CTNNA2: variants seen among roughly 807,000 people sequenced by gnomAD.
CTNNA2 encodes catenin alpha 2, also known as catenin alpha-2.
A neutral mutation model predicts 101.0 loss-of-function variants in CTNNA2; 42 were observed. The ratio of observed to expected loss-of-function variants is 0.42; its 90% CI spans 0.32 to 0.54. CTNNA2 has a LOEUF of 0.54. Ranked by LOEUF, CTNNA2 falls within the 20% of genes least tolerant of loss-of-function variation. The pLI is 0.14. For synonymous variants in CTNNA2, 450 were observed against 456.4 expected (o/e 0.99, Z 0.18); for missense variants, 871 against 1,223.1 (o/e 0.71, Z 4.29).
At chr2:80,309,858 C>T (rs1169580513) in intron 7 of CTNNA2, among the ~76,000 whole-genome samples, 2 of 142,090 alleles carry the variant, frequency 1.4e-5, no homozygotes, top group Non-Finnish European at 3.1e-5. Flanking sequence ...CCACACCCAG[C>T]TACCACATCT....
intron 6 of CTNNA2, among the ~76,000 whole-genome samples, chr2:79,883,933 TTGAG>T (rs1374094392): frequency 6.6e-6 from 1 of 152,142 alleles, no homozygotes; most frequent in Non-Finnish European, 1.5e-5. Context: ...CACAGGAAGT[TTGAG>T]TAAGTTTTTC....
chr2:80,069,730 ATAAC>A (rs1698208034), intron 7 of CTNNA2, among the ~76,000 whole-genome samples: 1 of 152,178 alleles, frequency 6.6e-6, no homozygotes, highest in Non-Finnish European at 1.5e-5. Flanking sequence ...GTATAAATTC[ATAAC>A]TAATAAGAAA....
At chr2:80,015,647 A>G (rs560257320) in intron 7 of CTNNA2, among the ~76,000 whole-genome samples, 1 of 152,222 alleles carries the variant, frequency 6.6e-6, no homozygotes, top group Admixed American at 6.5e-5. Context: ...GTGATTTTGG[A>G]TGTCTTTCTC....
intron 7 of CTNNA2, among the ~76,000 whole-genome samples, chr2:79,975,469 G>C (rs79814959): frequency 1.3e-5 from 2 of 152,036 alleles, no homozygotes; most frequent in Non-Finnish European, 2.9e-5. Flanking sequence ...TGTCCTCTAC[G>C]TCAATTCGGT....
intron 18 of CTNNA2, among the ~76,000 whole-genome samples, chr2:80,642,522 T>C (rs1292777310): frequency 6.6e-6 from 1 of 152,004 alleles, no homozygotes; most frequent in African/African-American, 2.4e-5. Context: ...GATGTGTAGA[T>C]GGAAAAATGT....
chr2:79,642,888 G>A (rs1275564105), intron 1 of CTNNA2, among the ~76,000 whole-genome samples: 3 of 151,480 alleles, frequency 2.0e-5, no homozygotes, highest in African/African-American at 7.3e-5. Flanking sequence ...ACATCCTAGA[G>A]GTACTTTAAA....
At chr2:80,328,562 T>C (rs2149258554) in intron 7 of CTNNA2, among the ~76,000 whole-genome samples, 1 of 152,312 alleles carries the variant, frequency 6.6e-6, no homozygotes, top group South Asian at 2.1e-4. Context: ...TGTAGACTCT[T>C]TCTCAAGTGG....
At chr2:80,310,505 A>G (rs1677465580) in intron 7 of CTNNA2, among the ~76,000 whole-genome samples, 1 of 152,204 alleles carries the variant, frequency 6.6e-6, no homozygotes, top group African/African-American at 2.4e-5. Context: ...CCCATGGGGC[A>G]GCCCAACATG....
rs541584057 is a variant in CTNNA2, at chr2:79,342,414, C to G, written c.-318+29618C>G. Among the ~76,000 whole-genome samples the G allele has an allele frequency of 2.6e-5, 4 of 152,280 alleles. No homozygotes were observed. In the East Asian group the frequency reaches 7.7e-4, roughly 29 times the overall value. ...TATTGATGTTTGCTATGGGTCTTGACTAGGGGAAAATGAATTACACATTCT... is the reference window on the plus strand; with the variant it reads ...TATTGATGTTTGCTATGGGTCTTGAGTAGGGGAAAATGAATTACACATTCT... On this transcript the variant is annotated intron_variant, in intron 3 of 21. Transcript: ENST00000466387.
At chr2:79,361,446 C>T (rs185992352) in intron 3 of CTNNA2, among the ~76,000 whole-genome samples, 1 of 152,230 alleles carries the variant, frequency 6.6e-6, no homozygotes, top group East Asian at 1.9e-4. Context: ...GTTCTTTGAT[C>T]TCTTTCGTCA....
intron 7 of CTNNA2, among the ~76,000 whole-genome samples, chr2:80,089,912 A>G (rs1467734225): frequency 6.6e-6 from 1 of 151,956 alleles, no homozygotes; most frequent in Non-Finnish European, 1.5e-5. Flanking sequence ...TCATTTCCCC[A>G]GCTCTCCCCA....
At chr2:79,194,703 A>G (rs911530899) in intron 1 of CTNNA2, among the ~76,000 whole-genome samples, 6 of 152,148 alleles carry the variant, frequency 3.9e-5, no homozygotes, top group Admixed American at 2.0e-4. Context: ...TGCCCTGTGT[A>G]TATGTGAGCT....
At chr2:80,574,142 T>C in intron 12 of CTNNA2, 21 bp from the exon 13 acceptor site, 1 of 1,604,126 alleles carries the variant, frequency 6.2e-7, no homozygotes, top group Non-Finnish European at 8.5e-7. Context: ...CCTAATCCTC[T>C]GCTTTTTATT....
intron 9 of CTNNA2, among the ~76,000 whole-genome samples, chr2:80,493,431 T>G (rs1687210731): frequency 6.6e-6 from 1 of 152,160 alleles, no homozygotes; most frequent in African/African-American, 2.4e-5. Context: ...TTTGAATAAT[T>G]GTGGAAGGCA....
intron 9 of CTNNA2, among the ~76,000 whole-genome samples, chr2:80,523,161 G>A (rs1689719394): frequency 6.6e-6 from 1 of 152,080 alleles, no homozygotes; most frequent in East Asian, 1.9e-4. Context: ...TGTATTAGAG[G>A]AAAACATTTA....
chr2:80,266,589 A>T (rs1673019664), intron 7 of CTNNA2, among the ~76,000 whole-genome samples: 1 of 152,366 alleles, frequency 6.6e-6, no homozygotes, highest in East Asian at 1.9e-4. Flanking sequence ...GAATTTTCCT[A>T]TGCTAGGCTG....
chr2:79,645,824 A>G lies in CTNNA2; in HGVS notation c.-5-5728A>G, dbSNP rs914090346. On this transcript the variant is annotated intron_variant, in intron 1 of 18. Transcript: ENST00000402739. ...ACAATGAAACCGAAGCTTAGGTAATATAACTGACTCAACATCATACGTGCA... is the reference window on the plus strand; with the variant it reads ...ACAATGAAACCGAAGCTTAGGTAATGTAACTGACTCAACATCATACGTGCA... Among the ~76,000 whole-genome samples the G allele has an allele frequency of 3.7e-4, 57 of 152,360 alleles. 1 individual carries two copies. Among genetic ancestry groups the G allele is most frequent in the Middle Eastern group, 3.4e-3 (1 of 294 alleles).
chr2:80,336,376 C>T (rs776202188), intron 7 of CTNNA2, among the ~76,000 whole-genome samples: 3 of 152,082 alleles, frequency 2.0e-5, no homozygotes, highest in Non-Finnish European at 2.9e-5. Context: ...TTTAGGGGGA[C>T]GTAAGCATTC....
chr2:80,140,334 C>G (rs1702933670), intron 7 of CTNNA2, among the ~76,000 whole-genome samples: 1 of 152,182 alleles, frequency 6.6e-6, no homozygotes, highest in Admixed American at 6.5e-5. Context: ...ATACTATACA[C>G]TTTGTTCACT....
Sources: gnomAD v4.1 joint callset for allele counts (sites outside exome capture counted in the v4.1 genomes callset) on GRCh38, gnomAD v4.1.1 for gene constraint, MANE v1.5 for transcripts, NCBI Gene and HGNC (gene_info 2026-07-23, HGNC 2026-07-21) for gene names.